Variants in DPYD observed in about 807,000 individuals in gnomAD.
The protein encoded by DPYD is dihydropyrimidine dehydrogenase, also known as dihydropyrimidine dehydrogenase [NADP(+)].
In DPYD, 109 loss-of-function variants were observed where a neutral mutation model predicts 116.2. That is an observed-to-expected ratio of 0.94 (90% CI 0.80 to 1.10). The LOEUF (loss-of-function observed/expected upper bound fraction) is 1.10, where lower values mean the gene tolerates loss of function less well. Among genes scored for constraint, DPYD ranks in the 50% least tolerant of loss-of-function variants. The pLI is 0.00. For synonymous variants in DPYD, 440 were observed against 432.0 expected (o/e 1.02, Z -0.23); for missense variants, 1,302 against 1,254.5 (o/e 1.04, Z -0.57).
At chr1:97,133,898 C>T (rs1653520758) in intron 20 of DPYD, among the ~76,000 whole-genome samples, 1 of 149,184 alleles carries the variant, frequency 6.7e-6, no homozygotes. Flanking sequence ...ACTCAGGAGG[C>T]TGAGGTGGGG....
chr1:97,391,343 A>G (rs1672694499), intron 14 of DPYD, among the ~76,000 whole-genome samples: 1 of 151,924 alleles, frequency 6.6e-6, no homozygotes, highest in Non-Finnish European at 1.5e-5. Flanking sequence ...AAATTTGCTT[A>G]TTTATCCACA....
At chr1:97,090,864 T>G (rs552578243) in intron 21 of DPYD, among the ~76,000 whole-genome samples, 1 of 152,296 alleles carries the variant, frequency 6.6e-6, no homozygotes, top group African/African-American at 2.4e-5. Flanking sequence ...GCCGTGTCTG[T>G]TTTTTTGAAT....
intron 20 of DPYD, among the ~76,000 whole-genome samples, chr1:97,117,856 A>C (rs1044545699): frequency 1.3e-5 from 2 of 152,160 alleles, no homozygotes; most frequent in Admixed American, 1.3e-4. Flanking sequence ...TCTTTTTAAT[A>C]ATAAATTTTA....
chr1:97,896,139 A>T (rs757055367), intron 1 of DPYD, among the ~76,000 whole-genome samples: 27 of 151,772 alleles, frequency 1.8e-4, no homozygotes, highest in South Asian at 2.1e-4. Context: ...TTAGAGATTA[A>T]CATTTGATTT....
chr1:97,822,137 C>T (rs1044040932), intron 3 of DPYD, among the ~76,000 whole-genome samples: 34 of 151,042 alleles, frequency 2.3e-4, no homozygotes, highest in Non-Finnish European at 3.4e-4. Context: ...CGCCAACCAG[C>T]CAGATGTAAT....
intron 3 of DPYD, among the ~76,000 whole-genome samples, chr1:97,814,686 G>A (rs547157161): frequency 6.6e-6 from 1 of 151,970 alleles, no homozygotes; most frequent in Non-Finnish European, 1.5e-5. Context: ...GGAGGGTTGT[G>A]GTGAGAAATC....
intron 13 of DPYD, 33 bp downstream of exon 13, chr1:97,515,692 AC>A: frequency 6.3e-7 from 1 of 1,575,078 alleles, no homozygotes; most frequent in Non-Finnish European, 8.7e-7. Flanking sequence ...TATATGATAG[AC>A]ATTTCTATAT....
intron 10 of DPYD, among the ~76,000 whole-genome samples, chr1:97,575,727 T>A (rs1342528936): frequency 6.6e-6 from 1 of 152,178 alleles, no homozygotes; most frequent in East Asian, 1.9e-4. Flanking sequence ...CGGAATTGAA[T>A]CAAATTTGAA....
chr1:97,255,193 G>T (rs1003790464), intron 18 of DPYD, among the ~76,000 whole-genome samples: 3 of 152,054 alleles, frequency 2.0e-5, no homozygotes, highest in Admixed American at 6.6e-5. Flanking sequence ...AAGTCTTCAG[G>T]GAGCAAAGCT....
At chr1:97,172,865 T>A (rs1240602861) in intron 20 of DPYD, among the ~76,000 whole-genome samples, 1 of 152,172 alleles carries the variant, frequency 6.6e-6, no homozygotes, top group Admixed American at 6.6e-5. Flanking sequence ...AGAATGGAAT[T>A]AATGAGGACA....
chr1:97,629,545 C>CTTAGTTAGATA (rs1009858296), intron 8 of DPYD, among the ~76,000 whole-genome samples: 12 of 151,974 alleles, frequency 7.9e-5, no homozygotes, highest in African/African-American at 2.9e-4. Context: ...TGCCCCCTTA[C>CTTAGTTAGATA]TTAGTTAGAT....
chr1:97,693,304 A>C (rs1196794213), intron 6 of DPYD, among the ~76,000 whole-genome samples: 18 of 115,476 alleles, frequency 1.6e-4, no homozygotes, highest in South Asian at 5.2e-4. Flanking sequence ...AAAAAAAAAA[A>C]AAAAAAAAAA....
At chr1:97,581,462 C>T (rs1462390925) in intron 10 of DPYD, among the ~76,000 whole-genome samples, 1 of 151,326 alleles carries the variant, frequency 6.6e-6, no homozygotes, top group Non-Finnish European at 1.5e-5. Context: ...GGCAGCATTG[C>T]TGGGCATGGT....
chr1:97,292,988 C>A (rs1180467549), intron 18 of DPYD, among the ~76,000 whole-genome samples: 1 of 151,972 alleles, frequency 6.6e-6, no homozygotes, highest in African/African-American at 2.4e-5. Context: ...GAATAAAAAT[C>A]CAACATAGAA....
At chr1:97,776,860 A>T (rs940011621) in intron 3 of DPYD, among the ~76,000 whole-genome samples, 3 of 152,118 alleles carry the variant, frequency 2.0e-5, no homozygotes, top group African/African-American at 7.2e-5. Context: ...TACTTAGTGT[A>T]TTTTTCTTTA....
At chr1:97,550,396 G>A (rs937066141) in intron 11 of DPYD, among the ~76,000 whole-genome samples, 1 of 151,938 alleles carries the variant, frequency 6.6e-6, no homozygotes, top group Non-Finnish European at 1.5e-5. Context: ...AAGTAGTTTT[G>A]CAATTATTTA....
intron 16 of DPYD, among the ~76,000 whole-genome samples, chr1:97,371,349 C>T (rs925408127): frequency 6.6e-6 from 1 of 152,126 alleles, no homozygotes; most frequent in Non-Finnish European, 1.5e-5. Flanking sequence ...GTGCTTAGCA[C>T]ATAGTAAGTT....
chr1:97,153,992 T>A (rs1471817748), intron 20 of DPYD, among the ~76,000 whole-genome samples: 1,361 of 128,680 alleles, frequency 0.011, 13 homozygotes, highest in African/African-American at 0.035. Context: ...AAAAAAAAGA[T>A]GTTGGCGTGG....
chr1:97,098,281 G>T (rs1332949136), intron 21 of DPYD, among the ~76,000 whole-genome samples: 3 of 152,032 alleles, frequency 2.0e-5, no homozygotes, highest in Non-Finnish European at 4.4e-5. Context: ...ATGCTTGCCA[G>T]TGTTCTAAAA....
Sources: gnomAD v4.1 joint callset for allele counts (sites outside exome capture counted in the v4.1 genomes callset) on GRCh38, gnomAD v4.1.1 for gene constraint, MANE v1.5 for transcripts, NCBI Gene and HGNC (gene_info 2026-07-23, HGNC 2026-07-21) for gene names.